TMEM132D: variants seen among roughly 807,000 people sequenced by gnomAD.
TMEM132D encodes the protein mature OL transmembrane protein.
In TMEM132D, 21 loss-of-function variants were observed where a neutral mutation model predicts 62.3. The ratio of observed to expected loss-of-function variants is 0.34; its 90% CI spans 0.24 to 0.49. TMEM132D has a LOEUF of 0.49. Among genes scored for constraint, TMEM132D ranks in the 20% least tolerant of loss-of-function variants. TMEM132D has a pLI of 0.99. For missense variants in TMEM132D, 1,346 were observed against 1,402.8 expected (o/e 0.96, Z 0.65); for synonymous variants, 621 against 575.6 (o/e 1.08, Z -1.13).
At chr12:129,112,756 G>A (rs1875759826) in intron 5 of TMEM132D, among the ~76,000 whole-genome samples, 1 of 152,200 alleles carries the variant, frequency 6.6e-6, no homozygotes, top group Admixed American at 6.5e-5. Flanking sequence ...ACAGTGGCTG[G>A]GGGCTGACAT....
Position 129,301,929 on chromosome 12 carries a change from C to A in TMEM132D, c.1299+35705G>T, listed in dbSNP as rs895710712. ...TGAAGGGAACATAATATTTTAGGCA[C>A]GTACATTGGAAAAGACTATAATAGC... is the stretch of plus-strand genomic sequence containing the variant. On this transcript the variant is annotated intron_variant, in intron 4 of 8. Coordinates refer to ENST00000422113, the MANE Select transcript of TMEM132D (RefSeq NM_133448.3). Among the ~76,000 whole-genome samples, 12 of 151,762 alleles carry A rather than the reference C, an allele frequency of 7.9e-5. No homozygotes were observed. In the East Asian group the frequency reaches 2.1e-3, roughly 27 times the overall value.
chr12:129,231,703 G>C (rs933060805), intron 4 of TMEM132D, among the ~76,000 whole-genome samples: 1 of 152,158 alleles, frequency 6.6e-6, no homozygotes, highest in Non-Finnish European at 1.5e-5. Flanking sequence ...GGCTGAGGTC[G>C]TGGGTTCAAT....
At chr12:129,569,066 C>T (rs1877444353) in intron 2 of TMEM132D, among the ~76,000 whole-genome samples, 1 of 152,160 alleles carries the variant, frequency 6.6e-6, no homozygotes, top group Non-Finnish European at 1.5e-5. Flanking sequence ...ACTTCGAGAG[C>T]CACTACCCTG....
At position 129,595,134 on chromosome 12, in the gene TMEM132D, T is replaced by C. The variant is rs149687755; in HGVS notation, c.969-63929A>G. Among the ~76,000 whole-genome samples, 946 of 152,246 alleles carry C rather than the reference T, an allele frequency of 6.2e-3. 10 individuals carry two copies. Among genetic ancestry groups the C allele is most frequent in the African/African-American group, 0.022 (900 of 41,548 alleles). ...TAATTCTAGGTGAAATCAGATAATA[T>C]GCAAAAATTAATGTGAACAGGAAGT... On this transcript the variant is annotated intron_variant, in intron 2 of 8. Coordinates refer to ENST00000422113, the MANE Select transcript of TMEM132D (RefSeq NM_133448.3).
intron 3 of TMEM132D, among the ~76,000 whole-genome samples, chr12:129,448,681 A>C (rs1873179503): frequency 6.6e-6 from 1 of 152,206 alleles, no homozygotes; most frequent in Non-Finnish European, 1.5e-5. Context: ...ATAAATAGTG[A>C]AGTACATTTT....
chr12:129,581,939 C>T (rs141044292), intron 2 of TMEM132D, among the ~76,000 whole-genome samples: 108 of 152,332 alleles, frequency 7.1e-4, no homozygotes, highest in South Asian at 1.2e-3. Context: ...TTCGTTTGAA[C>T]ATGATTTGCA....
At chr12:129,721,922 C>T (rs1299006803) in intron 1 of TMEM132D, among the ~76,000 whole-genome samples, 3 of 152,178 alleles carry the variant, frequency 2.0e-5, no homozygotes, top group South Asian at 2.1e-4. Context: ...ATGTGGGTCC[C>T]GGGAAACCCA....
At chr12:129,491,117 CT>C (rs1365213128) in intron 3 of TMEM132D, among the ~76,000 whole-genome samples, 3 of 152,106 alleles carry the variant, frequency 2.0e-5, no homozygotes, top group Non-Finnish European at 4.4e-5. Flanking sequence ...TGAATTTTCC[CT>C]TCTGGTACCA....
intron 1 of TMEM132D, among the ~76,000 whole-genome samples, chr12:129,722,454 G>A (rs563450067): frequency 2.6e-5 from 4 of 152,320 alleles, no homozygotes; most frequent in Admixed American, 2.6e-4. Flanking sequence ...TTCTAAGATG[G>A]GAGAAGGCGA....
chr12:129,497,169 G>A (rs1874984706), intron 3 of TMEM132D, among the ~76,000 whole-genome samples: 2 of 152,148 alleles, frequency 1.3e-5, no homozygotes, highest in African/African-American at 4.8e-5. Flanking sequence ...TTAGCTGGGC[G>A]TGGTGGTGGG....
chr12:129,119,242 G>A (rs1250470413), intron 5 of TMEM132D, among the ~76,000 whole-genome samples: 2 of 152,196 alleles, frequency 1.3e-5, no homozygotes, highest in Non-Finnish European at 2.9e-5. Flanking sequence ...AGTACACGTA[G>A]ATATACTGTG....
At chr12:129,292,762 G>A (rs559819342) in intron 4 of TMEM132D, among the ~76,000 whole-genome samples, 19 of 152,128 alleles carry the variant, frequency 1.2e-4, no homozygotes, top group Admixed American at 6.5e-4. Context: ...ATGCCATTGC[G>A]TGGGATGAGA....
intron 3 of TMEM132D, among the ~76,000 whole-genome samples, chr12:129,359,323 T>C (rs1870174731): frequency 6.6e-6 from 1 of 152,182 alleles, no homozygotes; most frequent in Admixed American, 6.5e-5. Context: ...AATGAAAATG[T>C]TTCGGTGGTG....
At chr12:129,637,697 A>C (rs1348576033) in intron 2 of TMEM132D, among the ~76,000 whole-genome samples, 1 of 152,188 alleles carries the variant, frequency 6.6e-6, no homozygotes, top group East Asian at 1.9e-4. Context: ...TTCTGCAGTC[A>C]GTACAGGAAG....
chr12:129,176,341 A>G (rs886820499), intron 5 of TMEM132D, among the ~76,000 whole-genome samples: 4 of 152,228 alleles, frequency 2.6e-5, no homozygotes, highest in Non-Finnish European at 5.9e-5. Flanking sequence ...ACAAATTTAC[A>G]TACAGTGTGA....
rs766995056 is a variant in TMEM132D at position 129,510,339 on chromosome 12, AGC to A, written c.1115+20718_1115+20719del. On this transcript the variant is annotated intron_variant, in intron 3 of 8. Coordinates refer to ENST00000422113, the MANE Select transcript of TMEM132D (RefSeq NM_133448.3). Reference sequence around the variant, plus strand: ...GATTTTTTCCCTATAGAGTTGTTAGAGCTCCTTATATATTCTGGTTATTAATG... The same window carrying A: ...GATTTTTTCCCTATAGAGTTGTTAGATCCTTATATATTCTGGTTATTAATG... Among the ~76,000 whole-genome samples, 48 of 151,904 alleles carry A rather than the reference AGC, an allele frequency of 3.2e-4. No homozygotes were observed. In the Middle Eastern group the frequency reaches 0.01, roughly 32 times the overall value.
At chr12:129,786,688 C>T (rs61943435) in intron 1 of TMEM132D, among the ~76,000 whole-genome samples, 9,077 of 152,258 alleles carry the variant, frequency 0.06, 323 homozygotes, top group East Asian at 0.1. Flanking sequence ...GTCGGGAGTT[C>T]GAGATCAGCC....
intron 5 of TMEM132D, among the ~76,000 whole-genome samples, chr12:129,116,515 T>C (rs182200378): frequency 2.0e-5 from 3 of 152,056 alleles, no homozygotes; most frequent in South Asian, 2.1e-4. Context: ...AAAACTAGTA[T>C]AGAAAACATA....
chr12:129,116,918 CAAAAAAA>C (rs60513263), intron 5 of TMEM132D, among the ~76,000 whole-genome samples: 26 of 58,988 alleles, frequency 4.4e-4, no homozygotes, highest in Admixed American at 1.8e-3. Context: ...AAAATTTCCG[CAAAAAAA>C]AAAAAAAAAA....
Sources: allele counts gnomAD v4.1 joint callset (sites outside exome capture counted in the v4.1 genomes callset), GRCh38; gene constraint gnomAD v4.1.1; transcripts MANE v1.5; gene names NCBI Gene and HGNC (gene_info 2026-07-23, HGNC 2026-07-21).